The following VRK2 variants were observed in gnomAD, a reference collection of about 807,000 sequenced individuals.
The protein encoded by VRK2 is serine/threonine-protein kinase VRK2.
VRK2 carries 60 observed loss-of-function variants against 57.6 expected under a neutral mutation model. The ratio of observed to expected loss-of-function variants is 1.04; its 90% CI spans 0.85 to 1.29. The LOEUF (loss-of-function observed/expected upper bound fraction) is 1.29. Ranked by LOEUF, VRK2 falls within the 50% of genes most tolerant of loss-of-function variation. The pLI is 0.00. For missense variants in VRK2, 705 were observed against 588.1 expected, an observed-to-expected ratio of 1.20 and a Z score of -2.06; for synonymous variants, 231 against 199.2, an observed-to-expected ratio of 1.16 and a Z score of -1.35.
rs1671111105 is a variant in VRK2 at position 57,942,008 on chromosome 2, G to C, written c.-439+34169G>C. Among the ~76,000 whole-genome samples the C allele has an allele frequency of 2.6e-5, 4 of 152,156 alleles. No homozygotes were observed. The South Asian group carries it at 8.3e-4, about 32-fold the overall frequency. ...GATGGCATGTCTTAATTGTTCCCAA[G>C]ACAATGCATAATGCACTGCTGTGAT... On this transcript the variant is annotated intron_variant, in intron 1 of 15. Transcript: ENST00000417641.
At chr2:58,075,869 C>G (rs1157774372) in intron 2 of VRK2, among the ~76,000 whole-genome samples, 3 of 129,432 alleles carry the variant, frequency 2.3e-5, no homozygotes, top group South Asian at 2.7e-4. Context: ...TAGTAAAACT[C>G]TGCCCCAATA....
intron 1 of VRK2, among the ~76,000 whole-genome samples, chr2:57,918,304 G>A (rs1212839855): frequency 6.6e-6 from 1 of 151,946 alleles, no homozygotes; most frequent in African/African-American, 2.4e-5. Flanking sequence ...CCAGAAGGAG[G>A]AGAGGGGGAG....
chr2:58,073,639 T>C (rs896149169), intron 2 of VRK2, among the ~76,000 whole-genome samples: 3 of 97,910 alleles, frequency 3.1e-5, no homozygotes, highest in Non-Finnish European at 5.9e-5. Flanking sequence ...AATAGGATTA[T>C]ATATATATAT....
intron 2 of VRK2, among the ~76,000 whole-genome samples, chr2:58,053,938 G>A (rs1410268319): frequency 6.6e-6 from 1 of 152,006 alleles, no homozygotes; most frequent in African/African-American, 2.4e-5. Context: ...GTCTCCAGAA[G>A]GTATAAATAA....
intron 7 of VRK2, among the ~76,000 whole-genome samples, chr2:58,119,318 T>G: frequency 6.8e-6 from 1 of 146,954 alleles, no homozygotes; most frequent in Non-Finnish European, 1.5e-5. Context: ...GCTAACATGG[T>G]GAAACCCCAT....
intron 1 of VRK2, among the ~76,000 whole-genome samples, chr2:57,919,633 CTG>C (rs1396409197): frequency 2.0e-5 from 3 of 152,062 alleles, no homozygotes; most frequent in African/African-American, 7.2e-5. Flanking sequence ...ATACAAATGT[CTG>C]TATCCAGAAA....
intron 2 of VRK2, among the ~76,000 whole-genome samples, chr2:58,052,893 A>G (rs1057399493): frequency 6.6e-6 from 1 of 152,260 alleles, no homozygotes; most frequent in Non-Finnish European, 1.5e-5. Flanking sequence ...ATTGAGAATA[A>G]CAGAATTACA....
intron 1 of VRK2, among the ~76,000 whole-genome samples, chr2:57,911,296 G>C (rs1558488268): frequency 6.6e-6 from 1 of 152,136 alleles, no homozygotes; most frequent in Non-Finnish European, 1.5e-5. Context: ...TGTTCTGAGA[G>C]ATGCTCTGAC....
intron 1 of VRK2, among the ~76,000 whole-genome samples, chr2:58,005,394 C>T (rs1286505687): frequency 1.3e-5 from 2 of 151,758 alleles, no homozygotes; most frequent in African/African-American, 4.8e-5. Flanking sequence ...ATTTCTTACT[C>T]TAGCACTTTT....
At chr2:57,993,046 T>C (rs953841542) in intron 1 of VRK2, among the ~76,000 whole-genome samples, 2 of 152,220 alleles carry the variant, frequency 1.3e-5, no homozygotes, top group African/African-American at 4.8e-5. Context: ...ATGAAGTGGT[T>C]CTACTGGTTA....
rs1183898557 is a variant in VRK2, at chr2:58,146,430, A to G, written c.1138A>G (p.Lys380Glu). ...GTCCTGTGCAACATGGAAAGTGCAG[A>G]AAGAGGAGAAACTGATTGGATTGAT... Reference protein sequence around the residue: ...AESCATWKVQKEEKLIGLMNN... With the variant: ...AESCATWKVQEEEKLIGLMNN... The change falls in exon 12 of 13, where the codon AAA becomes GAA. Residue 380 changes from lysine (K) to glutamate (E), a missense_variant. Physicochemically the swap from Lys to Glu is moderately conservative, Grantham distance 56 (BLOSUM62 1). Transcript: ENST00000340157. 1.2e-6 allele frequency: 2 copies of G among 1,611,718 alleles called. No homozygotes were observed. Among genetic ancestry groups the G allele is most frequent in the South Asian group, 2.2e-5 (2 of 90,984 alleles).
Position 57,912,974 on chromosome 2 carries a change from A to G in VRK2, c.-439+5135A>G, listed in dbSNP as rs187821201. ...CACTCTTTCCACCATGTGAGGACAC[A>G]GCAAGAAGACAAGCTGTCTATGAAC... On this transcript the variant is annotated intron_variant, in intron 1 of 15. Coordinates refer to the VRK2 transcript ENST00000417641. Among the ~76,000 whole-genome samples, 391 of 152,342 alleles carry G rather than the reference A, an allele frequency of 2.6e-3. 4 individuals carry two copies. Among genetic ancestry groups the G allele is most frequent in the Admixed American group, 0.016 (238 of 15,290 alleles).
chr2:57,913,656 A>G (rs1027803534), intron 1 of VRK2, among the ~76,000 whole-genome samples: 3 of 152,132 alleles, frequency 2.0e-5, no homozygotes, highest in African/African-American at 7.2e-5. Context: ...CAACTTTACT[A>G]TGATCTTCAT....
At chr2:57,994,568 G>A (rs1672868157) in intron 1 of VRK2, among the ~76,000 whole-genome samples, 1 of 151,982 alleles carries the variant, frequency 6.6e-6, no homozygotes, top group Admixed American at 6.6e-5. Context: ...ACTCAGCTAG[G>A]CATAAGGAAT....
chr2:57,977,910 G>A (rs1345974232), intron 1 of VRK2, among the ~76,000 whole-genome samples: 1 of 151,058 alleles, frequency 6.6e-6, no homozygotes, highest in East Asian at 1.9e-4. Context: ...CTAGTTTGTT[G>A]AGGGTATTTA....
intron 1 of VRK2, among the ~76,000 whole-genome samples, chr2:58,010,307 C>A (rs1452494400): frequency 6.6e-6 from 1 of 152,048 alleles, no homozygotes; most frequent in African/African-American, 2.4e-5. Flanking sequence ...ATTATAATTT[C>A]ATGACAAACA....
chr2:58,139,638 G>C (rs1309863046), intron 10 of VRK2, 28 bp from the exon 11 acceptor site: 1 of 1,594,132 alleles, frequency 6.3e-7, no homozygotes, highest in African/African-American at 1.4e-5. Context: ...AATTGTGAAT[G>C]ACATGTAAAA....
chr2:58,110,906 C>G (rs1675465280), intron 7 of VRK2, among the ~76,000 whole-genome samples: 1 of 152,108 alleles, frequency 6.6e-6, no homozygotes, highest in South Asian at 2.1e-4. Flanking sequence ...ATAGTCACAC[C>G]CTCTCCATGA....
chr2:57,939,777 T>C (rs1671033989), intron 1 of VRK2, among the ~76,000 whole-genome samples: 1 of 152,236 alleles, frequency 6.6e-6, no homozygotes, highest in African/African-American at 2.4e-5. Flanking sequence ...TGTTTACACT[T>C]GCTTGAAATT....
Sources: gnomAD v4.1 joint callset for allele counts (sites outside exome capture counted in the v4.1 genomes callset) on GRCh38, gnomAD v4.1.1 for gene constraint, MANE v1.5 for transcripts, NCBI Gene and HGNC (gene_info 2026-07-23, HGNC 2026-07-21) for gene names.